Variants in PARD3B observed in about 807,000 individuals in gnomAD.
The protein encoded by PARD3B is par-3 family cell polarity regulator beta.
Under a neutral mutation model 130.2 loss-of-function variants are expected in PARD3B, and 103 were observed. The ratio of observed to expected loss-of-function variants is 0.79; its 90% CI spans 0.67 to 0.93. The LOEUF is 0.93. PARD3B is among the 40% of genes least tolerant of loss of function. PARD3B has a pLI of 0.00. For missense variants in PARD3B, 1,609 were observed against 1,499.2 expected (o/e 1.07, Z -1.21); for synonymous variants, 583 against 553.2 (o/e 1.05, Z -0.76).
At chr2:204,866,079 C>G (rs2045403173) in intron 2 of PARD3B, among the ~76,000 whole-genome samples, 1 of 152,150 alleles carries the variant, frequency 6.6e-6, no homozygotes, top group South Asian at 2.1e-4. Context: ...TTGTCATGTC[C>G]TGTGTAACAC....
At chr2:205,093,481 G>C (rs1424332982) in intron 4 of PARD3B, among the ~76,000 whole-genome samples, 1 of 152,104 alleles carries the variant, frequency 6.6e-6, no homozygotes, top group East Asian at 1.9e-4. Context: ...TTGAGTCCAT[G>C]CAGAGTGTTC....
At chr2:205,047,498 C>A in intron 3 of PARD3B, 83 bp from the exon 4 acceptor site, 8 of 749,658 alleles carry the variant, frequency 1.1e-5, no homozygotes, top group East Asian at 5.8e-5. Context: ...TGTTGTAAAC[C>A]TTTTAAATTA....
intron 3 of PARD3B, among the ~76,000 whole-genome samples, chr2:205,008,527 C>A (rs1030062715): frequency 7.9e-5 from 12 of 151,948 alleles, no homozygotes; most frequent in Non-Finnish European, 1.2e-4. Context: ...GTATTTTAGC[C>A]CAGTTCTTCC....
intron 4 of PARD3B, among the ~76,000 whole-genome samples, chr2:205,056,321 T>C (rs1699631148): frequency 6.6e-6 from 1 of 152,104 alleles, no homozygotes; most frequent in Non-Finnish European, 1.5e-5. Flanking sequence ...AGAGTTTTAT[T>C]TCTTAGGAGA....
intron 2 of PARD3B, among the ~76,000 whole-genome samples, chr2:204,736,365 T>C (rs1246280815): frequency 6.6e-6 from 1 of 152,174 alleles, no homozygotes; most frequent in Non-Finnish European, 1.5e-5. Context: ...GAGATTTTAG[T>C]GTACCCATCA....
chr2:204,739,132 C>T (rs1376343456), intron 2 of PARD3B, among the ~76,000 whole-genome samples: 1 of 152,100 alleles, frequency 6.6e-6, no homozygotes, highest in Non-Finnish European at 1.5e-5. Context: ...TTATCACCTG[C>T]CTATTTATTG....
chr2:204,888,929 ATGAAAC>A (rs1458974958), intron 2 of PARD3B, among the ~76,000 whole-genome samples: 1 of 152,186 alleles, frequency 6.6e-6, no homozygotes, highest in African/African-American at 2.4e-5. Flanking sequence ...AGAATTATAG[ATGAAAC>A]TTTTGATAAT....
At chr2:204,866,731 A>G (rs1407519050) in intron 2 of PARD3B, among the ~76,000 whole-genome samples, 2 of 151,830 alleles carry the variant, frequency 1.3e-5, no homozygotes, top group Non-Finnish European at 2.9e-5. Flanking sequence ...GTGTGTATAT[A>G]TATATTTAAA....
At chr2:205,402,126 G>A (rs2046273649) in intron 19 of PARD3B, among the ~76,000 whole-genome samples, 1 of 152,094 alleles carries the variant, frequency 6.6e-6, no homozygotes, top group African/African-American at 2.4e-5. Flanking sequence ...CCGTTGAGAA[G>A]GCTGACTTTT....
chr2:204,704,377 A>C (rs1574756305), intron 2 of PARD3B, among the ~76,000 whole-genome samples: 1 of 152,214 alleles, frequency 6.6e-6, no homozygotes, highest in South Asian at 2.1e-4. Flanking sequence ...CCATTGATGC[A>C]ACTGAAATCT....
rs535907141 is a variant in PARD3B, at chr2:205,141,485, GCA to G, written c.1434+15750_1434+15751del. 1.9e-3 allele frequency among the ~76,000 whole-genome samples: 286 copies of G among 152,224 alleles called. 1 individual carries two copies. Among genetic ancestry groups the G allele is most frequent in the Admixed American group, 5.0e-3 (77 of 15,290 alleles). ...ATTTGAACAGGGTAGTTGCCAAATA[GCA>G]CCAGCTGTCATAATAAAGTAGAAGT... On this transcript the variant is annotated intron_variant, in intron 10 of 22. Transcript: ENST00000406610.
In PARD3B at chr2:205,508,851, G is replaced by C. The variant is rs903814714; in HGVS notation, c.3180+8820G>C. ...CTGAAGTTTTATTGAACTTGATACTGGTGAAACATCAATGCCACTGGAAGA... is the reference window on the plus strand; with the variant it reads ...CTGAAGTTTTATTGAACTTGATACTCGTGAAACATCAATGCCACTGGAAGA... On this transcript the variant is annotated intron_variant, in intron 21 of 22. Transcript: ENST00000406610. 1.1e-4 allele frequency among the ~76,000 whole-genome samples: 16 copies of C among 152,070 alleles called. 1 individual carries two copies. The highest frequency in any genetic ancestry group is 3.4e-4 in the African/African-American group (14 of 41,400).
intron 3 of PARD3B, among the ~76,000 whole-genome samples, chr2:205,036,227 AG>A (rs1456218298): frequency 6.9e-6 from 1 of 145,896 alleles, no homozygotes; most frequent in Non-Finnish European, 1.5e-5. Context: ...ATATGTATAT[AG>A]TGGGCTATAT....
At position 204,894,031 on chromosome 2, in the gene PARD3B, C is replaced by A. The variant is rs1198973144; in HGVS notation, c.223-71121C>A. Among the ~76,000 whole-genome samples the A allele has an allele frequency of 2.6e-5, 4 of 150,986 alleles. No individual in the cohort carries two copies. In the East Asian group the frequency reaches 7.7e-4, roughly 29 times the overall value. ...TGTGTCCCTTTCAAAGACACTAAGA[C>A]CTTATCTTAAACTCTATTTTAGTTA... On this transcript the variant is annotated intron_variant, in intron 2 of 22. Transcript: ENST00000406610.
At chr2:204,963,855 G>C (rs1690964756) in intron 2 of PARD3B, among the ~76,000 whole-genome samples, 1 of 152,192 alleles carries the variant, frequency 6.6e-6, no homozygotes, top group South Asian at 2.1e-4. Flanking sequence ...TCTGTGGCAA[G>C]AGGATTGTTG....
chr2:205,117,710 G>C (rs2030002473), intron 6 of PARD3B, among the ~76,000 whole-genome samples: 1 of 152,184 alleles, frequency 6.6e-6, no homozygotes, highest in African/African-American at 2.4e-5. Flanking sequence ...ATAAAGTGCA[G>C]ATCACAGTTT....
At chr2:205,153,491 A>G (rs564588191) in intron 10 of PARD3B, among the ~76,000 whole-genome samples, 3 of 152,336 alleles carry the variant, frequency 2.0e-5, no homozygotes, top group African/African-American at 4.8e-5. Flanking sequence ...TATAGATTCA[A>G]TGCCATCCCC....
At chr2:205,583,187 C>T (rs1008228842) in intron 22 of PARD3B, among the ~76,000 whole-genome samples, 7 of 152,290 alleles carry the variant, frequency 4.6e-5, no homozygotes, top group Middle Eastern at 3.4e-3. Context: ...CTTCATTTAA[C>T]AAGTACGCAG....
intron 2 of PARD3B, among the ~76,000 whole-genome samples, chr2:204,713,533 C>T (rs1327154321): frequency 6.6e-6 from 1 of 151,996 alleles, no homozygotes; most frequent in Non-Finnish European, 1.5e-5. Flanking sequence ...AACTCAAGCT[C>T]TGTGCCCATT....
Sources: gnomAD v4.1 joint callset for allele counts (sites outside exome capture counted in the v4.1 genomes callset) on GRCh38, gnomAD v4.1.1 for gene constraint, MANE v1.5 for transcripts, NCBI Gene and HGNC (gene_info 2026-07-23, HGNC 2026-07-21) for gene names.